Variants in KMT2C observed in about 807,000 individuals in gnomAD.
The protein encoded by KMT2C is lysine methyltransferase 2C.
In KMT2C, 88 loss-of-function variants were observed where a neutral mutation model predicts 507.9. The ratio of observed to expected loss-of-function variants is 0.17; its 90% CI spans 0.15 to 0.21. The LOEUF (loss-of-function observed/expected upper bound fraction) is 0.21, where lower values mean the gene tolerates loss of function less well. KMT2C is among the 10% of genes least tolerant of loss of function. The pLI is 1.00. For synonymous variants in KMT2C, 2,049 were observed against 2,080.8 expected, an observed-to-expected ratio of 0.98 and a Z score of 0.42; for missense variants, 4,954 against 5,957.8, an observed-to-expected ratio of 0.83 and a Z score of 5.55.
In KMT2C at chr7:152,180,896, C is replaced by T. The variant is rs1157997398; in HGVS notation, c.6964G>A (p.Val2322Ile). Reference protein sequence around the residue: ...SFGTSQTAHDVADQPRPGSEG... With the variant: ...SFGTSQTAHDIADQPRPGSEG... ...GATCCAGGCCTTGGCTGATCAGCAA[C>T]ATCATGGGCAGTTTGACTTGTTCCA... The change falls in exon 36 of 59, where the codon GTT becomes ATT. Residue 2322 changes from valine (V) to isoleucine (I), a missense_variant. By Grantham distance (29) the Val-to-Ile change is conservative. This residue lies in a region of KMT2C where 1,689 missense variants were observed against 1,654.3 expected (regional missense o/e 1.02). Coordinates refer to ENST00000262189, the MANE Select transcript of KMT2C (RefSeq NM_170606.3). The T allele has an allele frequency of 6.2e-7, 1 of 1,614,050 alleles. No individual in the cohort carries two copies. Among genetic ancestry groups the T allele is most frequent in the East Asian group, 2.2e-5 (1 of 44,884 alleles).
At chr7:152,362,937 C>T (rs906698906) in intron 1 of KMT2C, among the ~76,000 whole-genome samples, 1 of 152,194 alleles carries the variant, frequency 6.6e-6, no homozygotes, top group Non-Finnish European at 1.5e-5. Context: ...TCCTTCTGGG[C>T]AATGGACCAA....
chr7:152,138,700 G>T lies in KMT2C; in HGVS notation c.14643+96C>A. ...TGGACAGAGTTTTTATCACAACAAA[G>T]AATTGGGAAACAAGTGAGTAAGTGA... On this transcript the variant is annotated intron_variant, in intron 58 of 58. Transcript: ENST00000262189. This position sits in a 1 kb window ranked among gnomAD's most constrained non-coding sequence, Gnocchi z 4.2. 1 of 794,666 alleles carries T rather than the reference G, an allele frequency of 1.3e-6. No homozygotes were observed. Among genetic ancestry groups the T allele is most frequent in the Admixed American group, 2.4e-5 (1 of 41,358 alleles). The allele number at this position is 794,666 out of a possible 1,614,324, so 49.2% of individuals were successfully genotyped here.
rs766261494 is a variant in KMT2C at position 152,138,932 on chromosome 7, A to T, written c.14535-28T>A. The T allele has an allele frequency of 2.6e-6, 4 of 1,520,072 alleles. No homozygotes were observed. The Admixed American group carries it at 6.7e-5, about 25-fold the overall frequency. The allele number at this position is 1,520,072 out of a possible 1,614,324, so 94.2% of individuals were successfully genotyped here. On this transcript the variant is annotated intron_variant, in intron 57 of 58. Transcript: ENST00000262189. This position sits in a 1 kb window ranked among gnomAD's most constrained non-coding sequence, Gnocchi z 4.2. ...GCAAGCCACCATGTCAGAAAACTGT[A>T]TTGTAAAACAGCTAGAAGCAGCTTT...
rs111750563 is a variant in KMT2C, at chr7:152,435,843, G to C, written c.-57C>G. The stretch of plus-strand genomic sequence containing the variant: ...GTCCTCCTCCTGGGGGGCTCCCGCC[G>C]CCGCGGCCGCCGCCGCCGCCGCTGC... On this transcript the variant is annotated 5_prime_UTR_variant, in exon 1 of 59. Transcript: ENST00000262189. 7.4e-7 allele frequency: 1 copy of C among 1,343,676 alleles called. No homozygotes were observed. The highest frequency in any genetic ancestry group is 9.6e-7 in the Non-Finnish European group (1 of 1,042,936). 83.2% of individuals were successfully genotyped at this position (1,343,676 alleles called of 1,614,324 possible).
At position 152,429,197 on chromosome 7, in the gene KMT2C, C is replaced by A. The variant is rs191873687; in HGVS notation, c.161+6429G>T. Among the ~76,000 whole-genome samples the A allele has an allele frequency of 7.9e-5, 12 of 152,258 alleles. No homozygotes were observed. The East Asian group carries it at 2.1e-3, about 27-fold the overall frequency. ...AAATCTTCCAGGGTTGACTGTTCATCCCAGGACATATTTAGCACTTTGTAG... is the reference window on the plus strand; with the variant it reads ...AAATCTTCCAGGGTTGACTGTTCATACCAGGACATATTTAGCACTTTGTAG... On this transcript the variant is annotated intron_variant, in intron 1 of 58. Coordinates refer to ENST00000262189, the MANE Select transcript of KMT2C (RefSeq NM_170606.3).
At chr7:152,189,619 T>C (rs1212918626) in intron 31 of KMT2C, among the ~76,000 whole-genome samples, 1 of 152,190 alleles carries the variant, frequency 6.6e-6, no homozygotes, top group African/African-American at 2.4e-5. Flanking sequence ...CTCCAGTATG[T>C]ATGTGCAGAT....
At chr7:152,340,464 G>A (rs2096980856) in intron 2 of KMT2C, among the ~76,000 whole-genome samples, 1 of 152,010 alleles carries the variant, frequency 6.6e-6, no homozygotes, top group South Asian at 2.1e-4. Context: ...ATGTTTTCTG[G>A]ATATATCTCA....
intron 1 of KMT2C, 74 bp downstream of exon 1, chr7:152,435,552 G>T: frequency 1.1e-6 from 1 of 949,258 alleles, no homozygotes; most frequent in Non-Finnish European, 1.3e-6. Flanking sequence ...GAGGCCGCGG[G>T]GCGGGCGCCC....
intron 3 of KMT2C, among the ~76,000 whole-genome samples, chr7:152,326,279 G>A (rs188209897): frequency 6.6e-6 from 1 of 152,186 alleles, no homozygotes; most frequent in East Asian, 1.9e-4. Context: ...AATTGGGAAA[G>A]AATATCTTTA....
rs113365136 is a variant in KMT2C at position 152,184,799 on chromosome 7, G to A, written c.5082+759C>T. Among the ~76,000 whole-genome samples, 1,474 of 152,232 alleles carry A rather than the reference G, an allele frequency of 9.7e-3. 29 individuals carry two copies. Among genetic ancestry groups the A allele is most frequent in the African/African-American group, 0.034 (1,417 of 41,536 alleles). ...TCCCTTTTTATTTTTTGACCTAGCA[G>A]GGTGGTCTTGCTCTGTCACCTAGGC... On this transcript the variant is annotated intron_variant, in intron 34 of 58. Transcript: ENST00000262189.
At chr7:152,427,902 G>C (rs1017573660) in intron 1 of KMT2C, among the ~76,000 whole-genome samples, 4 of 152,114 alleles carry the variant, frequency 2.6e-5, no homozygotes, top group Non-Finnish European at 5.9e-5. Context: ...GCAGTGACTG[G>C]AATCTTCCTC....
At chr7:152,250,751 G>A (rs2095550280) in intron 12 of KMT2C, 102 bp downstream of exon 12, 1 of 663,256 alleles carries the variant, frequency 1.5e-6, no homozygotes, top group South Asian at 1.9e-5. Context: ...CTTCCTAAGT[G>A]ACTGCATCTT....
chr7:152,141,712 CAAAA>C (rs1249621681), intron 55 of KMT2C, among the ~76,000 whole-genome samples: 12 of 61,864 alleles, frequency 1.9e-4, no homozygotes, highest in African/African-American at 4.7e-4. Context: ...GACTCTGTCT[CAAAA>C]AAAAAAAAAA....
At chr7:152,373,778 TATC>T in intron 1 of KMT2C, among the ~76,000 whole-genome samples, 1 of 152,204 alleles carries the variant, frequency 6.6e-6, no homozygotes, top group East Asian at 1.9e-4. Flanking sequence ...TAGAAAGAGA[TATC>T]AACAACAAAG....
intron 2 of KMT2C, among the ~76,000 whole-genome samples, chr7:152,353,198 G>A (rs921659672): frequency 6.6e-6 from 1 of 152,036 alleles, no homozygotes; most frequent in East Asian, 1.9e-4. Context: ...GCCAAGGCAG[G>A]TGGATCACGA....
intron 6 of KMT2C, among the ~76,000 whole-genome samples, chr7:152,297,057 G>GACAGACAGACAGAAAGAAAGAA (rs756980169): frequency 3.3e-5 from 3 of 90,696 alleles, no homozygotes; most frequent in African/African-American, 1.4e-4. Flanking sequence ...AAGAAAGACA[G>GACAGACAGACAGAAAGAAAGAA]AGAGAGAGAG....
intron 6 of KMT2C, among the ~76,000 whole-genome samples, chr7:152,305,162 C>A (rs570553612): frequency 2.5e-4 from 38 of 152,180 alleles, no homozygotes; most frequent in African/African-American, 8.2e-4. Context: ...CAGAAAAAAA[C>A]CCCATCCGAA....
chr7:152,189,544 C>T (rs960468719), intron 31 of KMT2C, among the ~76,000 whole-genome samples: 8 of 152,032 alleles, frequency 5.3e-5, no homozygotes, highest in Non-Finnish European at 1.2e-4. Flanking sequence ...GTACATTTTA[C>T]AATGTATAAT....
intron 27 of KMT2C, among the ~76,000 whole-genome samples, chr7:152,199,077 T>C (rs2094050918): frequency 6.6e-6 from 1 of 152,218 alleles, no homozygotes; most frequent in African/African-American, 2.4e-5. Context: ...TTGGTACTAG[T>C]TACACAGGTA....
Sources: gnomAD v4.1 joint callset for allele counts (sites outside exome capture counted in the v4.1 genomes callset) on GRCh38, gnomAD v4.1.1 for gene constraint, gnomAD v4.1.1 regional missense constraint, Gnocchi (gnomAD v3.1) non-coding constraint, MANE v1.5 for transcripts, NCBI Gene and HGNC (gene_info 2026-07-23, HGNC 2026-07-21) for gene names.